AFDN: variants seen among roughly 807,000 people sequenced by gnomAD.
AFDN encodes afadin.
Under a neutral mutation model 216.6 loss-of-function variants are expected in AFDN, and 68 were observed. The ratio of observed to expected loss-of-function variants is 0.31; its 90% CI spans 0.26 to 0.38. The LOEUF is 0.38. AFDN is among the 10% of genes least tolerant of loss of function. The pLI is 1.00. For synonymous variants in AFDN, 868 were observed against 853.7 expected (o/e 1.02, Z -0.29); for missense variants, 2,136 against 2,342.0 (o/e 0.91, Z 1.82).
intron 19 of AFDN, among the ~76,000 whole-genome samples, chr6:167,916,882 C>A (rs1383025801): frequency 6.6e-6 from 1 of 152,032 alleles, no homozygotes; most frequent in African/African-American, 2.4e-5. Context: ...ATTAAGAGGG[C>A]ATCTAAAAAG....
chr6:167,914,854 G>T, intron 18 of AFDN, 116 bp downstream of exon 18: 1 of 724,766 alleles, frequency 1.4e-6, no homozygotes, highest in Non-Finnish European at 2.3e-6. Flanking sequence ...TGTCCTTTTG[G>T]GTTTGGCAAT....
chr6:167,928,976 T>A (rs576786152), intron 23 of AFDN, among the ~76,000 whole-genome samples: 1 of 152,194 alleles, frequency 6.6e-6, no homozygotes, highest in Non-Finnish European at 1.5e-5. Context: ...ATATTTGTCA[T>A]GTGTGGTGAA....
At chr6:167,956,928 A>G (rs1302346545) in intron 30 of AFDN, among the ~76,000 whole-genome samples, 1 of 152,154 alleles carries the variant, frequency 6.6e-6, no homozygotes, top group Non-Finnish European at 1.5e-5. Flanking sequence ...GACATAGCAT[A>G]CAGCAGTCTC....
chr6:167,939,995 A>G (rs527281569), intron 23 of AFDN, among the ~76,000 whole-genome samples: 1 of 152,260 alleles, frequency 6.6e-6, no homozygotes, highest in Non-Finnish European at 1.5e-5. Flanking sequence ...TAAAAAGCTC[A>G]GTCTTTGCCA....
intron 1 of AFDN, among the ~76,000 whole-genome samples, chr6:167,852,620 A>G (rs912619394): frequency 2.6e-5 from 4 of 152,110 alleles, no homozygotes; most frequent in East Asian, 1.9e-4. Flanking sequence ...TTCTAATTCC[A>G]TTATTTCTCT....
upstream of AFDN, chr6:167,826,605 C>A (rs1420160590): frequency 1.9e-6 from 1 of 521,946 alleles, no homozygotes; most frequent in Non-Finnish European, 3.9e-6. Context: ...CACCACCCAT[C>A]GGACCCAGCA....
intron 14 of AFDN, 39 bp from the exon 15 acceptor site, chr6:167,911,244 CT>C (rs1166330998): frequency 1.2e-6 from 2 of 1,602,510 alleles, no homozygotes; most frequent in Non-Finnish European, 8.5e-7. Flanking sequence ...CGTTTTTATT[CT>C]TTTTTCCTTT....
intron 1 of AFDN, among the ~76,000 whole-genome samples, chr6:167,833,276 C>T (rs1417232929): frequency 1.3e-5 from 2 of 152,250 alleles, no homozygotes; most frequent in Non-Finnish European, 2.9e-5. Context: ...AGGTTGTTTC[C>T]AAATTAGGAA....
Position 167,922,891 on chromosome 6 carries a change from G to C in AFDN, c.2944G>C (p.Gly982Arg). 6.2e-7 allele frequency: 1 copy of C among 1,613,020 alleles called. No individual in the cohort carries two copies. Among genetic ancestry groups the C allele is most frequent in the Non-Finnish European group, 8.5e-7 (1 of 1,179,594 alleles). Residue 982 changes from glycine (G) to arginine (R), a missense_variant, in exon 22 of 34, where the codon GGT (glycine) becomes CGT (arginine). Transcript: ENST00000683244. ...GTTAATTCCTCACACACGTTCACCA[G>C]GTACTTGGACAATATATTTTGAAGG... is the stretch of plus-strand genomic sequence containing the variant. ...CRLIPHTRSPGTWTIYFEGAD... is the reference protein window; with the variant it reads ...CRLIPHTRSPRTWTIYFEGAD...
At chr6:167,841,932 A>C (rs1182111578) in intron 1 of AFDN, among the ~76,000 whole-genome samples, 3 of 149,818 alleles carry the variant, frequency 2.0e-5, no homozygotes, top group Non-Finnish European at 4.4e-5. Context: ...CTTTCTTCTT[A>C]CCTCCCATTC....
chr6:167,920,746 A>G (rs780168285), intron 21 of AFDN, among the ~76,000 whole-genome samples: 4 of 152,302 alleles, frequency 2.6e-5, no homozygotes, highest in East Asian at 1.9e-4. Context: ...ATTGAACTGT[A>G]TATTATTAAT....
chr6:167,921,410 A>G (rs1430698359), intron 21 of AFDN, among the ~76,000 whole-genome samples: 1 of 152,256 alleles, frequency 6.6e-6, no homozygotes, highest in African/African-American at 2.4e-5. Flanking sequence ...ATGCCTTTAG[A>G]AGACTTACAA....
intron 12 of AFDN, 77 bp downstream of exon 12, chr6:167,902,463 T>A: frequency 9.4e-7 from 1 of 1,060,014 alleles, no homozygotes; most frequent in South Asian, 1.3e-5. Context: ...TGGTGGGGGA[T>A]GTGTTCCCCT....
chr6:167,889,588 A>G (rs1244356407), intron 7 of AFDN, among the ~76,000 whole-genome samples: 1 of 151,850 alleles, frequency 6.6e-6, no homozygotes, highest in African/African-American at 2.4e-5. Context: ...CTCCGCCCCC[A>G]TGCCCGGCTA....
intron 1 of AFDN, among the ~76,000 whole-genome samples, chr6:167,843,677 G>T (rs942177920): frequency 6.6e-6 from 1 of 152,218 alleles, no homozygotes; most frequent in Non-Finnish European, 1.5e-5. Flanking sequence ...TGCTGGGCTT[G>T]TGTAGATTTC....
chr6:167,963,994 G>A (rs754339996), intron 31 of AFDN: 27 of 1,064,310 alleles, frequency 2.5e-5, no homozygotes, highest in Middle Eastern at 4.1e-4. Flanking sequence ...TCCTGGCCAC[G>A]CCGGAGCCTC....
chr6:167,928,189 A>G (rs1178939112), intron 23 of AFDN, among the ~76,000 whole-genome samples: 3 of 152,240 alleles, frequency 2.0e-5, no homozygotes, highest in Admixed American at 6.5e-5. Context: ...TCTCTTTCGC[A>G]TGATTTCCGG....
At chr6:167,840,316 TC>T (rs1780922785) in intron 1 of AFDN, among the ~76,000 whole-genome samples, 1 of 152,232 alleles carries the variant, frequency 6.6e-6, no homozygotes, top group African/African-American at 2.4e-5. Flanking sequence ...ATTGTACTGT[TC>T]CTCGTTATTC....
chr6:167,838,382 ACT>A (rs1467507090), intron 1 of AFDN, among the ~76,000 whole-genome samples: 1 of 151,946 alleles, frequency 6.6e-6, no homozygotes, highest in Non-Finnish European at 1.5e-5. Flanking sequence ...GCCTTGCCTG[ACT>A]CTGCTCTGGA....
Sources: gnomAD v4.1 joint callset for allele counts (sites outside exome capture counted in the v4.1 genomes callset) on GRCh38, gnomAD v4.1.1 for gene constraint, MANE v1.5 for transcripts, NCBI Gene and HGNC (gene_info 2026-07-23, HGNC 2026-07-21) for gene names.